HCFC1: variants seen among roughly 807,000 people sequenced by gnomAD.
HCFC1 encodes host cell factor 1.
A neutral mutation model predicts 105.5 loss-of-function variants in HCFC1; 7 were observed. The observed-to-expected ratio is 0.07, with a 90% CI of 0.04 to 0.12. The LOEUF (loss-of-function observed/expected upper bound fraction) is 0.12, where lower values mean the gene tolerates loss of function less well. Among genes scored for constraint, HCFC1 ranks in the 10% least tolerant of loss-of-function variants. HCFC1 has a pLI of 1.00. For missense variants in HCFC1, 1,065 were observed against 1,823.6 expected (o/e 0.58, Z 7.58); for synonymous variants, 918 against 828.1 (o/e 1.11, Z -1.86).
In HCFC1 at chrX:153,958,194, G is replaced by A. The variant is rs782787716; in HGVS notation, c.1859C>T (p.Ser620Leu). 2.5e-6 allele frequency: 3 copies of A among 1,212,002 alleles called. No individual in the cohort carries two copies. Among genetic ancestry groups the A allele is most frequent in the Non-Finnish European group, 2.2e-6 (2 of 895,293 alleles). The change falls in exon 11 of 26, where the codon TCG (serine) becomes TTG (leucine). Residue 620 changes from serine (S) to leucine (L), a missense_variant. Ser to Leu is a moderately radical substitution (Grantham distance 145). Transcript: ENST00000310441. ...LKTAAAQVGT[S>L]VSSATNTSTR... The stretch of plus-strand genomic sequence containing the variant: ...AGACGTGTTGGTGGCGGAGGAAACC[G>A]ATGTCCCCACCTGGGCGGCTGCAGT...
rs201452496 is a variant in HCFC1, at chrX:153,951,470, G to C, written c.5397C>G (p.Pro1799=). The change falls in exon 22 of 26, where the codon CCC becomes CCG. Residue 1799 remains proline (P), a synonymous_variant. Transcript: ENST00000310441. ...ESLGVKPDLP[P]PPSKAPMKKE... is the part of the protein sequence containing the mutation. The stretch of plus-strand genomic sequence containing the variant: ...TCTTCATGGGGGCTTTGCTGGGTGG[G>C]GGCGGCAGGTCTGGCTTCTGCAAGA... The C allele has an allele frequency of 8.3e-7, 1 of 1,211,329 alleles. No homozygotes were observed. Among genetic ancestry groups the C allele is most frequent in the Non-Finnish European group, 1.1e-6 (1 of 895,366 alleles).
intron 1 of HCFC1, among the ~76,000 whole-genome samples, chrX:153,970,373 G>A (rs1208155138): frequency 1.1e-5 from 1 of 94,793 alleles, no homozygotes; most frequent in Non-Finnish European, 2.1e-5. Context: ...GAGAAGATCA[G>A]AGAAAAGCAC....
At chrX:153,968,957 G>GC (rs200384951) in intron 1 of HCFC1, among the ~76,000 whole-genome samples, 1,801 of 112,033 alleles carry the variant, frequency 0.016, 45 homozygotes, top group African/African-American at 0.056. Context: ...ACCACCAAGC[G>GC]CCCCCGCCCG....
At chrX:153,957,198 AAGG>A (rs1343736787) in intron 13 of HCFC1, 113 bp downstream of exon 13, 31 of 967,543 alleles carry the variant, frequency 3.2e-5, no homozygotes, top group Non-Finnish European at 4.0e-5. Context: ...AAAAGGCAGC[AAGG>A]AGAAGATAGA....
At chrX:153,956,468 C>A (rs2065377890) in intron 15 of HCFC1, 57 bp from the exon 16 acceptor site, 2 of 1,142,491 alleles carry the variant, frequency 1.8e-6, no homozygotes, top group East Asian at 3.0e-5. Flanking sequence ...TTCCCAGCAG[C>A]TCCTCCTGCA....
At chrX:153,950,579 G>T in intron 23 of HCFC1, 36 bp from the exon 24 acceptor site, 1 of 1,108,644 alleles carries the variant, frequency 9.0e-7, no homozygotes, top group Non-Finnish European at 1.2e-6. Flanking sequence ...AACAGAACAG[G>T]CTAGAGGCTT....
At chrX:153,950,580 C>T in intron 23 of HCFC1, 37 bp from the exon 24 acceptor site, 1 of 1,102,215 alleles carries the variant, frequency 9.1e-7, no homozygotes, top group Non-Finnish European at 1.2e-6. Context: ...ACAGAACAGG[C>T]TAGAGGCTTC....
rs1160330824 is a variant in HCFC1, at chrX:153,948,016, C to T, written c.*1331G>A. ...GCTGCTGGTGGCCTGCTCCATTGCC[C>T]TAGCCTCCCTTGTGGGTGACACTAC... On this transcript the variant is annotated 3_prime_UTR_variant, in exon 26 of 26. Coordinates refer to ENST00000310441, the MANE Select transcript of HCFC1 (RefSeq NM_005334.3). 1.8e-5 allele frequency: 2 copies of T among 112,134 alleles called. No individual in the cohort carries two copies. Among genetic ancestry groups the T allele is most frequent in the Non-Finnish European group, 3.8e-5 (2 of 53,157 alleles). The allele number at this position is 112,134 out of a possible 1,213,427, so 9.2% of individuals were successfully genotyped here.
chrX:153,957,614 T>C, intron 12 of HCFC1, 81 bp from the exon 13 acceptor site: 2 of 896,092 alleles, frequency 2.2e-6, no homozygotes, highest in Non-Finnish European at 3.2e-6. Context: ...GCCGGCAGCC[T>C]TGGCGGCTCA....
chrX:153,966,447 C>T (rs782632442), intron 1 of HCFC1, among the ~76,000 whole-genome samples: 1 of 112,520 alleles, frequency 8.9e-6, no homozygotes, highest in East Asian at 2.8e-4. Flanking sequence ...CTGTGCCGCC[C>T]GCATGTGCAA....
chrX:153,957,591 C>T (rs1468510419), intron 12 of HCFC1, 58 bp from the exon 13 acceptor site: 43 of 990,033 alleles, frequency 4.3e-5, no homozygotes, highest in Non-Finnish European at 6.0e-5. Flanking sequence ...GAAGTGTGGT[C>T]TGGCTACTCT....
In HCFC1 at chrX:153,959,539, T is replaced by TC. The variant is rs782023235; in HGVS notation, c.1445-49dup. ...GTCAGCCATCACCTTCTGCACGATG[T>TC]CCCCAGCCCCTTTGCAGGCAGCCCT... On this transcript the variant is annotated intron_variant, in intron 8 of 25. Transcript: ENST00000310441. 12 of 1,187,739 alleles carry TC rather than the reference T, an allele frequency of 1.0e-5. No homozygotes were observed. The African/African-American group carries it at 1.9e-4, about 19-fold the overall frequency.
Position 153,954,683 on chromosome X carries a change from G to A in HCFC1, c.3716C>T (p.Thr1239Ile). 8.3e-7 allele frequency: 1 copy of A among 1,205,658 alleles called. No homozygotes were observed. Among genetic ancestry groups the A allele is most frequent in the Non-Finnish European group, 1.1e-6 (1 of 892,901 alleles). Residue 1239 changes from threonine to isoleucine, a missense_variant, in exon 17 of 26, where the codon ACC becomes ATC. Physicochemically the swap from Thr to Ile is moderately conservative, Grantham distance 89 (BLOSUM62 -1). Coordinates refer to ENST00000310441, the MANE Select transcript of HCFC1 (RefSeq NM_005334.3). ...PAGRHSHAVSTAAMTRSSVGA... is the reference protein window; with the variant it reads ...PAGRHSHAVSIAAMTRSSVGA... ...CACGCTGGAACGGGTCATGGCAGCGGTGCTGACCGCATGGCTGTGGCGCCC... is the reference window on the plus strand; with the variant it reads ...CACGCTGGAACGGGTCATGGCAGCGATGCTGACCGCATGGCTGTGGCGCCC...
chrX:153,957,208 T>C (rs1040842884), intron 13 of HCFC1, 106 bp downstream of exon 13: 58 of 962,634 alleles, frequency 6.0e-5, no homozygotes, highest in African/African-American at 1.6e-4. Context: ...AAGGAGAAGA[T>C]AGAAAAGGGT....
rs1048938921 is a variant in HCFC1 at position 153,971,545 on chromosome X, C to T, written c.-705G>A. 3.5e-5 allele frequency: 10 copies of T among 288,478 alleles called. No homozygotes were observed. The highest frequency in any genetic ancestry group is 4.8e-5 in the Non-Finnish European group (8 of 165,365). 23.8% of individuals were successfully genotyped at this position (288,478 alleles called of 1,213,427 possible). On this transcript the variant is annotated 5_prime_UTR_variant, in exon 1 of 26. Transcript: ENST00000310441. ...GAAGTCTCGCGCCTCTCCCCTTAGT[C>T]CGCCTCTGCTGCTCAGGCTGCGCCT...
chrX:153,961,490 G>T lies in HCFC1; in HGVS notation c.904+52C>A. 6.7e-6 allele frequency: 6 copies of T among 900,196 alleles called. No homozygotes were observed. In the East Asian group the frequency reaches 1.6e-4, roughly 24 times the overall value. The allele number at this position is 900,196 out of a possible 1,213,427, so 74.2% of individuals were successfully genotyped here. On this transcript the variant is annotated intron_variant, in intron 6 of 25. Coordinates refer to ENST00000310441, the MANE Select transcript of HCFC1 (RefSeq NM_005334.3). ...CCACACAGCTCTTAGGCTGAGAAGG[G>T]CCAGCCTCCTGCAGCCTCCCACAGG... is the stretch of plus-strand genomic sequence containing the variant.
intron 5 of HCFC1, among the ~76,000 whole-genome samples, chrX:153,961,966 G>A (rs1339867236): frequency 2.7e-5 from 3 of 112,307 alleles, no homozygotes; most frequent in Non-Finnish European, 5.6e-5. Flanking sequence ...AGAACACTCT[G>A]TACCTGATAG....
intron 4 of HCFC1, 46 bp downstream of exon 4, chrX:153,963,179 G>A: frequency 9.4e-7 from 1 of 1,059,903 alleles, no homozygotes; most frequent in Admixed American, 2.2e-5. Flanking sequence ...CCAAGAGGCA[G>A]ACCCGCTTTG....
chrX:153,958,349 ACCTT>A lies in HCFC1; in HGVS notation c.1804-104_1804-101del, dbSNP rs1557115753. 5.5e-6 allele frequency: 4 copies of A among 721,750 alleles called. No individual in the cohort carries two copies. In the African/African-American group the frequency reaches 8.5e-5, roughly 15 times the overall value. The allele number at this position is 721,750 out of a possible 1,213,427, so 59.5% of individuals were successfully genotyped here. ...GCCCATAGCTCCTGCCTCAACACTC[ACCTT>A]CCTCCTCCTCCTGCTCCCAAGCCCA... On this transcript the variant is annotated intron_variant, in intron 10 of 25. Coordinates refer to ENST00000310441, the MANE Select transcript of HCFC1 (RefSeq NM_005334.3).
Sources: allele counts gnomAD v4.1 joint callset (sites outside exome capture counted in the v4.1 genomes callset), GRCh38; gene constraint gnomAD v4.1.1; transcripts MANE v1.5; gene names NCBI Gene and HGNC (gene_info 2026-07-23, HGNC 2026-07-21).